NDE1: variants seen among roughly 807,000 people sequenced by gnomAD.
The protein encoded by NDE1 is nudE neurodevelopment protein 1.
In NDE1, 28 loss-of-function variants were observed where a neutral mutation model predicts 43.4. The ratio of observed to expected loss-of-function variants is 0.65; its 90% CI spans 0.48 to 0.89. The LOEUF (loss-of-function observed/expected upper bound fraction) is 0.89, where lower values mean the gene tolerates loss of function less well. Among genes scored for constraint, NDE1 ranks in the 40% least tolerant of loss-of-function variants. NDE1 has a pLI of 0.00. For missense variants in NDE1, 441 were observed against 434.1 expected (o/e 1.02, Z -0.14); for synonymous variants, 184 against 172.0 (o/e 1.07, Z -0.55).
intron 8 of NDE1, among the ~76,000 whole-genome samples, chr16:15,723,027 A>G (rs1280989592): frequency 6.6e-6 from 1 of 152,180 alleles, no homozygotes; most frequent in Non-Finnish European, 1.5e-5. Context: ...TACAGGCGTG[A>G]GCCACCGTGC....
chr16:15,677,845 A>G lies in NDE1; in HGVS notation c.282A>G (p.Ser94=). 6 of 1,614,100 alleles carry G rather than the reference A, an allele frequency of 3.7e-6. No homozygotes were observed. The highest frequency in any genetic ancestry group is 5.1e-6 in the Non-Finnish European group (6 of 1,180,000). Residue 94 remains serine, a synonymous_variant, in exon 4 of 9, where the codon TCA becomes TCG. Transcript: ENST00000396354. The part of the protein sequence containing the change: ...VQHSEGYRQI[S]ALEDDLAQTK... ...ACTCTGAAGGCTACCGGCAGATCTC[A>G]GCCTTGGAGGATGACCTCGCGCAGA...
At chr16:15,652,270 G>C (rs934014614) in intron 1 of NDE1, among the ~76,000 whole-genome samples, 1 of 152,050 alleles carries the variant, frequency 6.6e-6, no homozygotes, top group Non-Finnish European at 1.5e-5. Context: ...AAATTCCTGG[G>C]CTCAAGCAGT....
chr16:15,720,004 C>T (rs2040381632), intron 8 of NDE1: 14 of 1,183,976 alleles, frequency 1.2e-5, no homozygotes, highest in Non-Finnish European at 1.7e-5. Flanking sequence ...GCCACCAAAT[C>T]CTGAATGGTT....
At chr16:15,710,615 G>C (rs150113973) in intron 8 of NDE1, among the ~76,000 whole-genome samples, 3 of 152,040 alleles carry the variant, frequency 2.0e-5, no homozygotes, top group Non-Finnish European at 2.9e-5. Context: ...TATCCCCATC[G>C]CTCAGCCCAG....
rs1174366348 is a variant in NDE1 at position 15,694,257 on chromosome 16, G to T, written c.795+1G>T. 1.2e-6 allele frequency: 2 copies of T among 1,613,380 alleles called. No individual in the cohort carries two copies. The highest frequency in any genetic ancestry group is 2.2e-5 in the East Asian group (1 of 44,828). On this transcript the variant is annotated splice_donor_variant, in intron 7 of 8. Transcript: ENST00000396354. LOFTEE classifies it high-confidence loss of function. ...GGGAGACCTACTGCGGAAAGTCGGG[G>T]TAAGACCACACTTTCCTGGCGTTTG...
intron 1 of NDE1, among the ~76,000 whole-genome samples, chr16:15,653,722 A>G (rs1211882982): frequency 3.3e-5 from 5 of 150,344 alleles, no homozygotes; most frequent in Non-Finnish European, 5.9e-5. Flanking sequence ...AAAAAAAAGC[A>G]TGTGGAAACA....
intron 1 of NDE1, among the ~76,000 whole-genome samples, chr16:15,663,243 T>C (rs964297360): frequency 3.6e-5 from 5 of 139,114 alleles, no homozygotes; most frequent in Admixed American, 2.8e-4. Context: ...TTCATATTCT[T>C]TTTTTTTTTT....
At chr16:15,690,353 C>CTTTTCT (rs2038681608) in intron 5 of NDE1, among the ~76,000 whole-genome samples, 3 of 80,950 alleles carry the variant, frequency 3.7e-5, no homozygotes, top group East Asian at 8.2e-4. Context: ...TTTTTTTTTT[C>CTTTTCT]TTTTTTTTTT....
chr16:15,653,111 CAG>C (rs1384619957), intron 1 of NDE1, among the ~76,000 whole-genome samples: 3 of 152,122 alleles, frequency 2.0e-5, no homozygotes, highest in Non-Finnish European at 4.4e-5. Context: ...ATTCTGTGTA[CAG>C]AGAGAGGGAA....
At chr16:15,698,716 C>G (rs544849956) in intron 8 of NDE1, among the ~76,000 whole-genome samples, 2 of 151,972 alleles carry the variant, frequency 1.3e-5, no homozygotes, top group Admixed American at 1.3e-4. Flanking sequence ...CGAAAATTAG[C>G]CGGGCATGGT....
At position 15,658,348 on chromosome 16, in the gene NDE1, C is replaced by T. The variant is rs576743686; in HGVS notation, c.-43-6388C>T. Reference sequence around the variant, plus strand: ...TCATTGGCTCAGCATGGGTTAGATCCGTGACTGTCACTGGCTGAGCATGGG... The same window carrying T: ...TCATTGGCTCAGCATGGGTTAGATCTGTGACTGTCACTGGCTGAGCATGGG... On this transcript the variant is annotated intron_variant, in intron 1 of 8. Coordinates refer to ENST00000396354, the MANE Select transcript of NDE1 (RefSeq NM_017668.3). Among the ~76,000 whole-genome samples, 5 of 152,312 alleles carry T rather than the reference C, an allele frequency of 3.3e-5. No individual in the cohort carries two copies. The East Asian group carries it at 5.8e-4, about 18-fold the overall frequency.
chr16:15,652,471 A>C (rs1354025408), intron 1 of NDE1, among the ~76,000 whole-genome samples: 1 of 152,202 alleles, frequency 6.6e-6, no homozygotes, highest in Non-Finnish European at 1.5e-5. Flanking sequence ...CTACACGTGC[A>C]CCTCGTGCAA....
chr16:15,715,598 G>A lies in NDE1; in HGVS notation c.948-8593G>A, dbSNP rs763014998. On this transcript the variant is annotated intron_variant, in intron 8 of 8. Transcript: ENST00000396354. ...TAGATTATGGTTGCCAGGGACTGAA[G>A]GGAGTGGTTACAGGGCATGGGGTTT... is the stretch of plus-strand genomic sequence containing the variant. Among the ~76,000 whole-genome samples, 11 of 152,302 alleles carry A rather than the reference G, an allele frequency of 7.2e-5. No homozygotes were observed. In the South Asian group the frequency reaches 1.0e-3, roughly 14 times the overall value.
rs560815540 is a variant in NDE1 at position 15,708,198 on chromosome 16, G to A, written c.947+11338G>A. Among the ~76,000 whole-genome samples the A allele has an allele frequency of 1.1e-4, 16 of 152,256 alleles. No homozygotes were observed. The South Asian group carries it at 2.7e-3, about 26-fold the overall frequency. On this transcript the variant is annotated intron_variant, in intron 8 of 8. Transcript: ENST00000396354. ...TGTAGCTAGACATCACTCAAGCCAC[G>A]TGCAGCCCCCGGCATTTGTCAGACA...
intron 7 of NDE1, chr16:15,695,387 G>T (rs1012892637): frequency 3.6e-6 from 2 of 559,374 alleles, no homozygotes; most frequent in Admixed American, 1.3e-4. Context: ...GGGCACCTGC[G>T]ATCCCAGCTA....
rs543759679 is a variant in NDE1, at chr16:15,645,166, C to T, written c.-166+1239C>T. Among the ~76,000 whole-genome samples, 9 of 152,194 alleles carry T rather than the reference C, an allele frequency of 5.9e-5. No individual in the cohort carries two copies. The South Asian group carries it at 1.0e-3, about 18-fold the overall frequency. On this transcript the variant is annotated intron_variant, in intron 1 of 9. Transcript: ENST00000396355. The stretch of plus-strand genomic sequence containing the variant: ...AACTCCTAGCCTCAAGTGATCCTCC[C>T]GCCTCGGCCTCTTTAGGATTACAGG...
At chr16:15,659,481 G>GGCTGGAGT in intron 1 of NDE1, among the ~76,000 whole-genome samples, 1 of 116,746 alleles carries the variant, frequency 8.6e-6, no homozygotes. Context: ...CTGTCACCCA[G>GGCTGGAGT]GCTGGAGTGC....
In NDE1 at chr16:15,687,493, C is replaced by A. The variant is rs767956980; in HGVS notation, c.505C>A (p.Leu169Met). 2 of 1,614,094 alleles carry A rather than the reference C, an allele frequency of 1.2e-6. No homozygotes were observed. The highest frequency in any genetic ancestry group is 1.7e-6 in the Non-Finnish European group (2 of 1,180,004). ...GAATCTCCTGGAATCTGTTCAGAGA[C>A]TGAAGGATGAAGCCAGAGGTCAGGA... ...KENLLESVQR[L>M]KDEARDLRQE... Residue 169 changes from leucine to methionine, a missense_variant, in exon 5 of 9, where the codon CTG becomes ATG. Leu to Met is a conservative substitution (Grantham distance 15). Transcript: ENST00000396354.
At chr16:15,652,273 C>G (rs188374570) in intron 1 of NDE1, among the ~76,000 whole-genome samples, 1 of 152,262 alleles carries the variant, frequency 6.6e-6, no homozygotes, top group Non-Finnish European at 1.5e-5. Flanking sequence ...TTCCTGGGCT[C>G]AAGCAGTCCT....
Sources: gnomAD v4.1 joint callset for allele counts (sites outside exome capture counted in the v4.1 genomes callset) on GRCh38, gnomAD v4.1.1 for gene constraint, MANE v1.5 for transcripts, NCBI Gene and HGNC (gene_info 2026-07-23, HGNC 2026-07-21) for gene names.